SGCZ: variants seen among roughly 807,000 people sequenced by gnomAD.
The protein encoded by SGCZ is sarcoglycan zeta.
SGCZ carries 40 observed loss-of-function variants against 41.3 expected under a neutral mutation model. That is an observed-to-expected ratio of 0.97 (90% CI 0.75 to 1.26). SGCZ has a LOEUF of 1.26. Among genes scored for constraint, SGCZ ranks in the 50% most tolerant of loss-of-function variants. SGCZ has a pLI of 0.00. For missense variants in SGCZ, 552 were observed against 369.8 expected (o/e 1.49, Z -4.04); for synonymous variants, 206 against 137.5 (o/e 1.50, Z -3.49).
chr8:14,511,313 T>C (rs1802462418), intron 2 of SGCZ, among the ~76,000 whole-genome samples: 2 of 152,088 alleles, frequency 1.3e-5, no homozygotes, highest in African/African-American at 4.8e-5. Flanking sequence ...TTCTACTCTA[T>C]GGCTACGTTT....
At chr8:14,816,846 A>G (rs1476507265) in intron 1 of SGCZ, among the ~76,000 whole-genome samples, 1 of 152,236 alleles carries the variant, frequency 6.6e-6, no homozygotes, top group Non-Finnish European at 1.5e-5. Flanking sequence ...CAGCAAATGT[A>G]TCTGCCAAAA....
At chr8:15,185,093 A>G (rs1335390278) in intron 1 of SGCZ, among the ~76,000 whole-genome samples, 2 of 152,180 alleles carry the variant, frequency 1.3e-5, no homozygotes, top group Non-Finnish European at 2.9e-5. Context: ...ATTTTGGAGC[A>G]GTATCTGTAT....
chr8:14,534,448 G>A (rs1803232965), intron 2 of SGCZ, among the ~76,000 whole-genome samples: 1 of 151,890 alleles, frequency 6.6e-6, no homozygotes. Context: ...TTGTCATCTT[G>A]CATTATTAAC....
At chr8:14,787,569 C>A (rs554485437) in intron 1 of SGCZ, among the ~76,000 whole-genome samples, 3 of 151,966 alleles carry the variant, frequency 2.0e-5, no homozygotes, top group Admixed American at 2.0e-4. Context: ...TCCAGCCGGG[C>A]GGGATACAGG....
intron 2 of SGCZ, among the ~76,000 whole-genome samples, chr8:14,552,442 G>C (rs181270609): frequency 6.6e-6 from 1 of 151,996 alleles, no homozygotes; most frequent in Non-Finnish European, 1.5e-5. Context: ...AATAGTTTTC[G>C]TGGGTGAAGG....
intron 1 of SGCZ, among the ~76,000 whole-genome samples, chr8:14,912,074 C>G (rs148267806): frequency 7.9e-6 from 1 of 126,190 alleles, no homozygotes; most frequent in Non-Finnish European, 1.6e-5. Context: ...TTATTTACAC[C>G]TATTTGTTTC....
intron 1 of SGCZ, among the ~76,000 whole-genome samples, chr8:14,902,655 A>C (rs1205451759): frequency 6.6e-6 from 1 of 152,138 alleles, no homozygotes; most frequent in East Asian, 1.9e-4. Flanking sequence ...TGTCTATTGA[A>C]ATTAGCCTAG....
intron 3 of SGCZ, among the ~76,000 whole-genome samples, chr8:14,311,672 C>T (rs545527293): frequency 1.3e-5 from 2 of 152,290 alleles, no homozygotes; most frequent in South Asian, 4.1e-4. Flanking sequence ...TCAGCTCTTA[C>T]ATATGCAAAG....
At chr8:14,120,602 A>T (rs1264304718) in intron 5 of SGCZ, among the ~76,000 whole-genome samples, 1 of 152,090 alleles carries the variant, frequency 6.6e-6, no homozygotes, top group Non-Finnish European at 1.5e-5. Flanking sequence ...TTGAGGAAAA[A>T]ATAAAACTAA....
At chr8:14,290,668 A>G (rs920884316) in intron 3 of SGCZ, among the ~76,000 whole-genome samples, 5 of 152,130 alleles carry the variant, frequency 3.3e-5, no homozygotes, top group Admixed American at 3.3e-4. Flanking sequence ...TGGCTAGTAT[A>G]TAAAAATTAA....
chr8:14,349,159 A>G (rs1176979151), intron 2 of SGCZ, among the ~76,000 whole-genome samples: 1 of 152,174 alleles, frequency 6.6e-6, no homozygotes, highest in Admixed American at 6.6e-5. Flanking sequence ...AATAGGAAAC[A>G]CATCCTAACC....
intron 2 of SGCZ, among the ~76,000 whole-genome samples, chr8:14,417,484 T>TA (rs1331919530): frequency 6.6e-6 from 1 of 151,882 alleles, no homozygotes; most frequent in Non-Finnish European, 1.5e-5. Context: ...ATCAGTTGAT[T>TA]ACTTGGTCAA....
chr8:14,102,510 A>C lies in SGCZ; in HGVS notation c.621-11T>G. ...GTGGGTGATTCAAGCCTAAGGGAAA[A>C]ACAAAAAATCATTAATAGGAAAAAA... On this transcript the variant is annotated splice_polypyrimidine_tract_variant and intron_variant, in intron 6 of 7. Transcript: ENST00000382080. 8 of 1,392,120 alleles carry C rather than the reference A, an allele frequency of 5.7e-6. No homozygotes were observed. The highest frequency in any genetic ancestry group is 7.6e-6 in the Non-Finnish European group (8 of 1,059,376). The allele number at this position is 1,392,120 out of a possible 1,614,324, so 86.2% of individuals were successfully genotyped here. A position where few individuals can be genotyped will look rare whatever the true frequency, so the allele number is the denominator to read the frequency against.
chr8:15,154,496 G>A (rs1183500844), intron 1 of SGCZ, among the ~76,000 whole-genome samples: 2 of 152,200 alleles, frequency 1.3e-5, no homozygotes, highest in African/African-American at 4.8e-5. Flanking sequence ...GGGACACAGA[G>A]AGATGGACCC....
At chr8:14,157,392 G>A (rs1246412546) in intron 5 of SGCZ, among the ~76,000 whole-genome samples, 5 of 148,640 alleles carry the variant, frequency 3.4e-5, no homozygotes, top group South Asian at 2.1e-4. Flanking sequence ...GTGTGTGTGT[G>A]TATGCTCAGC....
At chr8:15,166,800 A>T (rs938962823) in intron 1 of SGCZ, among the ~76,000 whole-genome samples, 2 of 152,200 alleles carry the variant, frequency 1.3e-5, no homozygotes, top group East Asian at 3.9e-4. Context: ...AGGGTGGTTT[A>T]TAATGAGTTA....
intron 2 of SGCZ, among the ~76,000 whole-genome samples, chr8:14,388,930 C>G (rs1348216099): frequency 6.6e-6 from 1 of 151,532 alleles, no homozygotes; most frequent in Non-Finnish European, 1.5e-5. Context: ...AAATAAAATA[C>G]TTTAAAATTA....
chr8:14,821,514 A>T (rs75892915), intron 1 of SGCZ, among the ~76,000 whole-genome samples: 6 of 152,074 alleles, frequency 3.9e-5, no homozygotes, highest in Non-Finnish European at 7.4e-5. Flanking sequence ...AAATTAAAAA[A>T]ATATATAATA....
intron 2 of SGCZ, among the ~76,000 whole-genome samples, chr8:14,489,650 T>C (rs1036106369): frequency 6.6e-6 from 1 of 152,086 alleles, no homozygotes; most frequent in African/African-American, 2.4e-5. Flanking sequence ...GAAAAAAGAC[T>C]TGAAATTGGC....
Sources: allele counts gnomAD v4.1 joint callset (sites outside exome capture counted in the v4.1 genomes callset), GRCh38; gene constraint gnomAD v4.1.1; transcripts MANE v1.5; gene names NCBI Gene and HGNC (gene_info 2026-07-23, HGNC 2026-07-21).